Variants in UNC13B observed in about 807,000 individuals in gnomAD.
UNC13B encodes the protein protein unc-13 homolog B.
UNC13B carries 144 observed loss-of-function variants against 211.0 expected under a neutral mutation model. That is an observed-to-expected ratio of 0.68 (90% CI 0.60 to 0.78). UNC13B has a LOEUF of 0.78. Among genes scored for constraint, UNC13B ranks in the 30% least tolerant of loss-of-function variants. UNC13B has a pLI of 0.00. For synonymous variants in UNC13B, 709 were observed against 725.8 expected, an observed-to-expected ratio of 0.98 and a Z score of 0.37; for missense variants, 1,777 against 2,002.0, an observed-to-expected ratio of 0.89 and a Z score of 2.14.
chr9:35,356,620 C>G (rs1833039278), intron 11 of UNC13B, among the ~76,000 whole-genome samples: 1 of 152,026 alleles, frequency 6.6e-6, no homozygotes, highest in Non-Finnish European at 1.5e-5. Flanking sequence ...AATTCATGTG[C>G]CATAAAATTC....
At chr9:35,178,364 G>A (rs1037585167) in intron 1 of UNC13B, among the ~76,000 whole-genome samples, 4 of 152,062 alleles carry the variant, frequency 2.6e-5, no homozygotes, top group Non-Finnish European at 5.9e-5. Flanking sequence ...AGGCATGGTG[G>A]CACATGCCTG....
At chr9:35,197,638 G>A (rs768672484) in intron 1 of UNC13B, among the ~76,000 whole-genome samples, 10 of 152,174 alleles carry the variant, frequency 6.6e-5, no homozygotes, top group Non-Finnish European at 1.3e-4. Context: ...AATCCCTAAC[G>A]TTGGAGGAGG....
chr9:35,294,384 G>A (rs550763167), intron 7 of UNC13B, among the ~76,000 whole-genome samples: 3 of 151,616 alleles, frequency 2.0e-5, no homozygotes, highest in Non-Finnish European at 4.4e-5. Context: ...TTAGCTCACT[G>A]CAACTTCCAC....
chr9:35,196,902 C>T (rs1822975683), intron 1 of UNC13B, among the ~76,000 whole-genome samples: 1 of 152,038 alleles, frequency 6.6e-6, no homozygotes, highest in African/African-American at 2.4e-5. Context: ...TCCAGAGAAG[C>T]TGAGACTGCA....
intron 2 of UNC13B, among the ~76,000 whole-genome samples, chr9:35,229,192 C>T (rs142339474): frequency 8.6e-4 from 131 of 152,218 alleles, no homozygotes; most frequent in Non-Finnish European, 1.6e-3. Context: ...AGGAAGACTT[C>T]CTCTGGTTAC....
At chr9:35,259,233 G>A (rs566659734) in intron 7 of UNC13B, among the ~76,000 whole-genome samples, 183 bp downstream of exon 7, 2 of 152,204 alleles carry the variant, frequency 1.3e-5, no homozygotes, top group Non-Finnish European at 2.9e-5. Flanking sequence ...TTAGGGAGAC[G>A]TTTTTCGGTT....
intron 11 of UNC13B, among the ~76,000 whole-genome samples, chr9:35,325,794 G>A (rs1587624001): frequency 6.6e-6 from 1 of 152,118 alleles, no homozygotes; most frequent in Non-Finnish European, 1.5e-5. Context: ...AGATTTGTCT[G>A]GACATTTCAT....
Position 35,302,004 on chromosome 9 carries a change from G to T in UNC13B, c.2600G>T (p.Arg867Ile). 1 of 398,722 alleles carries T rather than the reference G, an allele frequency of 2.5e-6. No individual in the cohort carries two copies. Among genetic ancestry groups the T allele is most frequent in the Non-Finnish European group, 4.4e-6 (1 of 225,832 alleles). 24.7% of individuals were successfully genotyped at this position (398,722 alleles called of 1,614,324 possible). Residue 867 changes from arginine to isoleucine, a missense_variant, in exon 9 of 40, where the codon AGA becomes ATA. Physicochemically the swap from Arg to Ile is moderately conservative, Grantham distance 97. Transcript: ENST00000635942. The part of the protein sequence containing the change: ...FSGKLNLPFF[R>I]SLGHSEKQQE... ...GGAAAACTAAATCTTCCATTTTTTAGAAGTCTTGGTCATTCTGAAAAGCAA... is the reference window on the plus strand; with the variant it reads ...GGAAAACTAAATCTTCCATTTTTTATAAGTCTTGGTCATTCTGAAAAGCAA...
At chr9:35,197,061 G>A (rs1321102803) in intron 1 of UNC13B, among the ~76,000 whole-genome samples, 1 of 152,084 alleles carries the variant, frequency 6.6e-6, no homozygotes, top group Non-Finnish European at 1.5e-5. Flanking sequence ...TTGACCTACT[G>A]AACCTGGCCT....
intron 5 of UNC13B, among the ~76,000 whole-genome samples, chr9:35,242,304 A>G (rs1666170261): frequency 6.6e-6 from 1 of 152,188 alleles, no homozygotes; most frequent in South Asian, 2.1e-4. Context: ...GGTAAGAGAC[A>G]TAACTGAAAA....
rs776963495 is a variant in UNC13B at position 35,378,331 on chromosome 9, C to T, written c.10100C>T (p.Thr3367Ile). 1.2e-6 allele frequency: 2 copies of T among 1,614,184 alleles called. No homozygotes were observed. Among genetic ancestry groups the T allele is most frequent in the South Asian group, 2.2e-5 (2 of 91,088 alleles). Residue 3367 changes from threonine to isoleucine, a missense_variant, in exon 17 of 40, where the codon ACA (threonine) becomes ATA (isoleucine). Physicochemically the swap from Thr to Ile is moderately conservative, Grantham distance 89. Transcript: ENST00000635942. ...CAQGLQAKDK[T>I]GSSDPYVTVQ... ...CAGGGCCTACAAGCCAAGGACAAAA[C>T]AGGATCCAGTGACCCTTACGTGACT... is the stretch of plus-strand genomic sequence containing the variant.
intron 7 of UNC13B, among the ~76,000 whole-genome samples, chr9:35,268,910 G>A (rs971354667): frequency 6.6e-6 from 1 of 152,070 alleles, no homozygotes; most frequent in Non-Finnish European, 1.5e-5. Flanking sequence ...TTATTACACT[G>A]TGGTTGCAAA....
intron 1 of UNC13B, among the ~76,000 whole-genome samples, chr9:35,187,349 A>G (rs1300269032): frequency 6.6e-6 from 1 of 152,158 alleles, no homozygotes; most frequent in African/African-American, 2.4e-5. Context: ...TACATTGCCC[A>G]TTCCTTTCTG....
intron 28 of UNC13B, 75 bp downstream of exon 28, chr9:35,397,012 G>C (rs922743470): frequency 6.2e-7 from 1 of 1,602,088 alleles, no homozygotes; most frequent in Admixed American, 1.7e-5. Flanking sequence ...AAGTTCCTGG[G>C]CTTTGGCCAG....
intron 11 of UNC13B, chr9:35,353,754 T>G: frequency 8.1e-7 from 1 of 1,231,926 alleles, no homozygotes; most frequent in Non-Finnish European, 1.0e-6. Flanking sequence ...CAGAAAAAAC[T>G]TCTGCATGAG....
rs916086863 is a variant in UNC13B, at chr9:35,385,613, G to A, written c.10876-111G>A. The stretch of plus-strand genomic sequence containing the variant: ...ACAGTGTTTTTGGCCAGCTCAACTA[G>A]AGAAAAACCCAGTAGGTAACAATTA... On this transcript the variant is annotated intron_variant, in intron 22 of 39. Transcript: ENST00000635942. The A allele has an allele frequency of 1.5e-5, 21 of 1,436,932 alleles. No homozygotes were observed. The Admixed American group carries it at 2.6e-4, about 18-fold the overall frequency. The allele number at this position is 1,436,932 out of a possible 1,614,324, so 89.0% of individuals were successfully genotyped here.
In UNC13B at chr9:35,397,052, A is replaced by C. The variant is rs527326910; in HGVS notation, c.11532+115A>C. 25 of 1,599,864 alleles carry C rather than the reference A, an allele frequency of 1.6e-5. No homozygotes were observed. In the South Asian group the frequency reaches 2.4e-4, roughly 16 times the overall value. ...GCTATGCCTGCCCTGTGGAGTTCAC[A>C]GGAGGGCTGTTGAGGGCCATTAGCC... On this transcript the variant is annotated intron_variant, in intron 28 of 39. Transcript: ENST00000635942.
intron 11 of UNC13B, among the ~76,000 whole-genome samples, chr9:35,319,376 CT>C (rs1321416618): frequency 8.2e-6 from 1 of 122,192 alleles, no homozygotes; most frequent in Admixed American, 9.7e-5. Flanking sequence ...GCACTCCAAC[CT>C]AGGTGACAGA....
At chr9:35,247,171 C>T (rs1313714189) in intron 6 of UNC13B, among the ~76,000 whole-genome samples, 3 of 151,912 alleles carry the variant, frequency 2.0e-5, no homozygotes, top group African/African-American at 7.3e-5. Context: ...TATTGGTGTA[C>T]AGGAATGCTT....
Sources: allele counts gnomAD v4.1 joint callset (sites outside exome capture counted in the v4.1 genomes callset), GRCh38; gene constraint gnomAD v4.1.1; transcripts MANE v1.5; gene names NCBI Gene and HGNC (gene_info 2026-07-23, HGNC 2026-07-21).